Variants in DSCAM observed in about 807,000 individuals in gnomAD.
DSCAM encodes the protein cell adhesion molecule DSCAM.
In DSCAM, 47 loss-of-function variants were observed where a neutral mutation model predicts 217.7. The ratio of observed to expected loss-of-function variants is 0.22; its 90% CI spans 0.17 to 0.28. The LOEUF (loss-of-function observed/expected upper bound fraction) is 0.28, where lower values mean the gene tolerates loss of function less well. DSCAM is among the 10% of genes least tolerant of loss of function. The probability of loss-of-function intolerance (pLI) is 1.00; values close to 1 mark genes in which losing one functional copy is unlikely to be tolerated. For missense variants in DSCAM, 2,080 were observed against 2,618.3 expected (o/e 0.79, Z 4.49); for synonymous variants, 1,056 against 1,015.3 (o/e 1.04, Z -0.76).
At chr21:40,697,850 AT>A (rs200793920) in intron 2 of DSCAM, among the ~76,000 whole-genome samples, 2 of 151,396 alleles carry the variant, frequency 1.3e-5, no homozygotes, top group Non-Finnish European at 2.9e-5. Flanking sequence ...AAAGTTAAGG[AT>A]TTTTTTTTCT....
intron 11 of DSCAM, among the ~76,000 whole-genome samples, chr21:40,259,183 A>C (rs1334095831): frequency 6.6e-6 from 1 of 152,228 alleles, no homozygotes; most frequent in South Asian, 2.1e-4. Context: ...GCCTACTAGG[A>C]AAAAGGAAAA....
At chr21:40,379,705 C>T (rs1405476729) in intron 3 of DSCAM, among the ~76,000 whole-genome samples, 1 of 152,176 alleles carries the variant, frequency 6.6e-6, no homozygotes, top group Non-Finnish European at 1.5e-5. Context: ...TTGTTTGCCC[C>T]ACTTACCTGC....
intron 32 of DSCAM, among the ~76,000 whole-genome samples, chr21:40,017,886 G>T (rs2088193033): frequency 6.6e-6 from 1 of 152,144 alleles, no homozygotes; most frequent in Admixed American, 6.5e-5. Context: ...TACATAATTT[G>T]GCATTCTTGT....
intron 11 of DSCAM, among the ~76,000 whole-genome samples, chr21:40,241,200 C>A (rs2073148002): frequency 6.6e-6 from 1 of 152,116 alleles, no homozygotes; most frequent in South Asian, 2.1e-4. Flanking sequence ...AGTAAAGAGA[C>A]AACCTACAGA....
At chr21:40,626,709 T>C (rs1048910760) in intron 3 of DSCAM, among the ~76,000 whole-genome samples, 1 of 152,172 alleles carries the variant, frequency 6.6e-6, no homozygotes, top group Non-Finnish European at 1.5e-5. Flanking sequence ...GCTTCCCTAA[T>C]CTAAAATAGA....
chr21:40,438,423 G>A (rs1458955337), intron 3 of DSCAM, among the ~76,000 whole-genome samples: 1 of 152,092 alleles, frequency 6.6e-6, no homozygotes, highest in African/African-American at 2.4e-5. Context: ...TGAATGAGTG[G>A]TAAGTGAAGG....
At chr21:40,145,674 G>A (rs972586753) in intron 16 of DSCAM, among the ~76,000 whole-genome samples, 75 of 56,066 alleles carry the variant, frequency 1.3e-3, no homozygotes, top group Middle Eastern at 8.3e-3. Context: ...GTGAAACCCC[G>A]TCTCTGCTAA....
intron 3 of DSCAM, among the ~76,000 whole-genome samples, chr21:40,576,265 G>C (rs2076849804): frequency 6.6e-6 from 1 of 152,194 alleles, no homozygotes; most frequent in South Asian, 2.1e-4. Flanking sequence ...GCAACAACAT[G>C]TGTGAATTTC....
At chr21:40,756,278 G>T (rs149066908) in intron 1 of DSCAM, among the ~76,000 whole-genome samples, 2 of 152,340 alleles carry the variant, frequency 1.3e-5, no homozygotes, top group East Asian at 3.9e-4. Flanking sequence ...CTTCTGCCAT[G>T]ATTCTAAGCT....
intron 20 of DSCAM, among the ~76,000 whole-genome samples, chr21:40,115,066 A>G (rs2089951274): frequency 6.6e-6 from 1 of 152,206 alleles, no homozygotes; most frequent in South Asian, 2.1e-4. Flanking sequence ...ATTACTGGGT[A>G]TATACCCAAA....
chr21:40,380,986 C>T (rs961629180), intron 3 of DSCAM, among the ~76,000 whole-genome samples: 7 of 139,736 alleles, frequency 5.0e-5, no homozygotes. Flanking sequence ...TGGCGGGAAC[C>T]CGGGAGGCGG....
At chr21:40,514,519 A>G (rs1011282878) in intron 3 of DSCAM, among the ~76,000 whole-genome samples, 1 of 152,218 alleles carries the variant, frequency 6.6e-6, no homozygotes, top group African/African-American at 2.4e-5. Flanking sequence ...CCTTTTTGAC[A>G]TTGCATAAAA....
chr21:40,649,388 C>T (rs981123030), intron 3 of DSCAM, among the ~76,000 whole-genome samples: 7 of 152,198 alleles, frequency 4.6e-5, no homozygotes, highest in Non-Finnish European at 2.9e-5. Context: ...CAAGACCACA[C>T]CACCACCACA....
chr21:40,614,627 T>C (rs1447992002), intron 3 of DSCAM, among the ~76,000 whole-genome samples: 4 of 152,218 alleles, frequency 2.6e-5, no homozygotes, highest in Admixed American at 2.0e-4. Context: ...TATATGCACA[T>C]AGATTTGATT....
chr21:40,646,321 A>G (rs994407751), intron 3 of DSCAM, among the ~76,000 whole-genome samples: 1 of 151,412 alleles, frequency 6.6e-6, no homozygotes, highest in Admixed American at 6.6e-5. Context: ...AGGCTGAGGC[A>G]GGAGGCTTGA....
chr21:40,800,249 CA>C (rs1382091383), intron 1 of DSCAM, among the ~76,000 whole-genome samples: 3 of 152,134 alleles, frequency 2.0e-5, no homozygotes. Flanking sequence ...ATAAATTACC[CA>C]GTTTCAGGCA....
chr21:40,423,084 T>C (rs1466645468), intron 3 of DSCAM, among the ~76,000 whole-genome samples: 4 of 152,192 alleles, frequency 2.6e-5, no homozygotes, highest in Non-Finnish European at 5.9e-5. Context: ...GAGTGTTCCA[T>C]TTCTTTTTTC....
At chr21:40,130,495 C>T (rs896321982) in intron 19 of DSCAM, among the ~76,000 whole-genome samples, 2 of 152,134 alleles carry the variant, frequency 1.3e-5, no homozygotes, top group African/African-American at 2.4e-5. Flanking sequence ...ATATCCATGG[C>T]CCTGAGACTC....
intron 3 of DSCAM, among the ~76,000 whole-genome samples, chr21:40,545,866 C>G (rs1378950536): frequency 6.6e-6 from 1 of 152,224 alleles, no homozygotes; most frequent in Non-Finnish European, 1.5e-5. Context: ...AAACCAGTGA[C>G]TGGAGTGGCC....
Sources: gnomAD v4.1 joint callset for allele counts (sites outside exome capture counted in the v4.1 genomes callset) on GRCh38, gnomAD v4.1.1 for gene constraint, MANE v1.5 for transcripts, NCBI Gene and HGNC (gene_info 2026-07-23, HGNC 2026-07-21) for gene names.